CHSY3: variants seen among roughly 807,000 people sequenced by gnomAD.
The protein encoded by CHSY3 is chondroitin sulfate synthase 3.
In CHSY3, 35 loss-of-function variants were observed where a neutral mutation model predicts 67.2. The observed-to-expected ratio is 0.52, with a 90% confidence interval of 0.40 to 0.69. The LOEUF is 0.69. Ranked by LOEUF, CHSY3 falls within the 30% of genes least tolerant of loss-of-function variation. The pLI is 0.00. For synonymous variants in CHSY3, 474 were observed against 434.7 expected (o/e 1.09, Z -1.12); for missense variants, 1,069 against 1,138.5 (o/e 0.94, Z 0.88).
chr5:130,145,101 C>T (rs1236723477), intron 2 of CHSY3, among the ~76,000 whole-genome samples: 2 of 152,116 alleles, frequency 1.3e-5, no homozygotes, highest in Non-Finnish European at 2.9e-5. Context: ...GGTGCTAAAC[C>T]ATTAAAGAGA....
At chr5:130,145,720 C>T (rs1447943521) in intron 2 of CHSY3, among the ~76,000 whole-genome samples, 1 of 151,854 alleles carries the variant, frequency 6.6e-6, no homozygotes, top group Non-Finnish European at 1.5e-5. Context: ...GGTTAATATC[C>T]AGAATATGTA....
At chr5:130,108,259 A>T (rs1767474976) in intron 2 of CHSY3, among the ~76,000 whole-genome samples, 1 of 151,612 alleles carries the variant, frequency 6.6e-6, no homozygotes, top group Admixed American at 6.6e-5. Context: ...GTTTGAAGTT[A>T]TCTAAACATC....
At chr5:129,925,841 A>G (rs887832232) in intron 2 of CHSY3, among the ~76,000 whole-genome samples, 1 of 151,956 alleles carries the variant, frequency 6.6e-6, no homozygotes, top group Non-Finnish European at 1.5e-5. Flanking sequence ...TAATATTAAA[A>G]CACGTTTTAG....
intron 1 of CHSY3, 140 bp downstream of exon 1, chr5:129,905,771 C>T (rs1581349851): frequency 2.1e-6 from 3 of 1,462,864 alleles, no homozygotes; most frequent in Non-Finnish European, 2.7e-6. Flanking sequence ...GGCCCGCCCT[C>T]CCCACCCCTT....
chr5:129,905,811 T>C (rs892126186), intron 1 of CHSY3, 180 bp downstream of exon 1: 289 of 1,314,206 alleles, frequency 2.2e-4, no homozygotes, highest in Non-Finnish European at 2.7e-4. Context: ...AGCCCGTTCC[T>C]CGTCTTCTGC....
chr5:130,072,010 C>A (rs80309030), intron 2 of CHSY3, among the ~76,000 whole-genome samples: 335 of 152,066 alleles, frequency 2.2e-3, no homozygotes, highest in African/African-American at 7.8e-3. Context: ...TGAGAAATGT[C>A]TGTTTAGATC....
chr5:130,100,078 A>C (rs879364903), intron 2 of CHSY3, among the ~76,000 whole-genome samples: 10 of 152,332 alleles, frequency 6.6e-5, no homozygotes, highest in Admixed American at 5.2e-4. Flanking sequence ...TTCCAAAAGC[A>C]TTAATTAATG....
chr5:130,131,453 A>G (rs1768481538), intron 2 of CHSY3, among the ~76,000 whole-genome samples: 1 of 152,172 alleles, frequency 6.6e-6, no homozygotes, highest in Non-Finnish European at 1.5e-5. Flanking sequence ...GAAATGCCTT[A>G]CATTTTCACT....
At chr5:129,984,742 G>A (rs1763125121) in intron 2 of CHSY3, among the ~76,000 whole-genome samples, 2 of 152,080 alleles carry the variant, frequency 1.3e-5, no homozygotes, top group Admixed American at 6.6e-5. Context: ...GTATCTCATT[G>A]TGGTTTTTAT....
chr5:130,107,443 G>A (rs1767444407), intron 2 of CHSY3, among the ~76,000 whole-genome samples: 1 of 138,656 alleles, frequency 7.2e-6, no homozygotes, highest in African/African-American at 2.8e-5. Flanking sequence ...TACGGGGCTA[G>A]TGTGTGTGTG....
chr5:130,084,129 G>C (rs766049346), intron 2 of CHSY3, among the ~76,000 whole-genome samples: 1 of 151,832 alleles, frequency 6.6e-6, no homozygotes, highest in Non-Finnish European at 1.5e-5. Context: ...ATTCATATTA[G>C]TTCTATGATA....
At chr5:130,061,245 A>G (rs1765703939) in intron 2 of CHSY3, among the ~76,000 whole-genome samples, 1 of 152,190 alleles carries the variant, frequency 6.6e-6, no homozygotes, top group Non-Finnish European at 1.5e-5. Context: ...TGGAGAACCC[A>G]GATACAAAGC....
chr5:130,046,130 G>A (rs1036861343), intron 2 of CHSY3, among the ~76,000 whole-genome samples: 3 of 152,008 alleles, frequency 2.0e-5, no homozygotes, highest in African/African-American at 7.2e-5. Context: ...GTACCGGCTC[G>A]GGGAGGCTAC....
intron 2 of CHSY3, among the ~76,000 whole-genome samples, chr5:129,961,087 A>ATTTATGG (rs1762315871): frequency 6.6e-6 from 1 of 152,056 alleles, no homozygotes; most frequent in Non-Finnish European, 1.5e-5. Context: ...TGGTACAGAC[A>ATTTATGG]TGAGTTTTCA....
chr5:130,007,608 CT>C (rs1381504764), intron 2 of CHSY3, among the ~76,000 whole-genome samples: 1 of 152,170 alleles, frequency 6.6e-6, no homozygotes, highest in Non-Finnish European at 1.5e-5. Context: ...CCCATGACCC[CT>C]GTGGACATTT....
intron 2 of CHSY3, among the ~76,000 whole-genome samples, chr5:130,033,853 C>T (rs1306804085): frequency 6.6e-6 from 1 of 152,072 alleles, no homozygotes; most frequent in Non-Finnish European, 1.5e-5. Context: ...TAGTACAAAT[C>T]AAGAGAGTAA....
At chr5:130,047,287 T>C (rs1397344052) in intron 2 of CHSY3, among the ~76,000 whole-genome samples, 2 of 152,086 alleles carry the variant, frequency 1.3e-5, no homozygotes, top group African/African-American at 4.8e-5. Context: ...AGATTTTAAC[T>C]GCTTTTAGGA....
At chr5:129,918,476 C>T (rs1760805121) in intron 2 of CHSY3, among the ~76,000 whole-genome samples, 1 of 152,112 alleles carries the variant, frequency 6.6e-6, no homozygotes, top group Non-Finnish European at 1.5e-5. Context: ...CCATCACTCT[C>T]AACAAATAGT....
intron 2 of CHSY3, among the ~76,000 whole-genome samples, chr5:129,977,615 C>T (rs986846367): frequency 5.3e-5 from 8 of 151,932 alleles, no homozygotes; most frequent in Admixed American, 2.6e-4. Context: ...TAGCATTGAA[C>T]GAGGTATCCC....
Sources: gnomAD v4.1 joint callset for allele counts (sites outside exome capture counted in the v4.1 genomes callset) on GRCh38, gnomAD v4.1.1 for gene constraint, MANE v1.5 for transcripts, NCBI Gene and HGNC (gene_info 2026-07-23, HGNC 2026-07-21) for gene names.